Variants in ARHGAP8 observed in about 807,000 individuals in gnomAD.
ARHGAP8 encodes Rho GTPase activating protein 8.
In ARHGAP8, 62 loss-of-function variants were observed where a neutral mutation model predicts 46.1. The observed-to-expected ratio is 1.34, with a 90% confidence interval of 1.10 to 1.66. ARHGAP8 has a LOEUF of 1.66. ARHGAP8 is among the 40% of genes most tolerant of loss of function. The probability of loss-of-function intolerance (pLI) is 0.00; values close to 1 mark genes in which losing one functional copy is unlikely to be tolerated. For missense variants in ARHGAP8, 923 were observed against 568.4 expected (o/e 1.62, Z -6.34); for synonymous variants, 375 against 243.1 (o/e 1.54, Z -5.05).
At chr22:44,825,998 C>A (rs939837530) in intron 7 of ARHGAP8, among the ~76,000 whole-genome samples, 3 of 151,874 alleles carry the variant, frequency 2.0e-5, no homozygotes, top group African/African-American at 4.8e-5. Flanking sequence ...GGATGGGGGT[C>A]TCTGGGGTTC....
intron 5 of ARHGAP8, 150 bp downstream of exon 5, chr22:44,814,908 G>A (rs879498374): frequency 3.7e-5 from 33 of 890,962 alleles, no homozygotes; most frequent in Non-Finnish European, 4.8e-5. Flanking sequence ...TGGGGTCTGC[G>A]GGGGGTCACA....
chr22:44,792,046 T>A (rs1478114134), intron 2 of ARHGAP8, among the ~76,000 whole-genome samples: 2 of 151,612 alleles, frequency 1.3e-5, no homozygotes, highest in African/African-American at 2.4e-5. Context: ...GGAGTCTTGC[T>A]CTGTTGCCCA....
chr22:44,795,040 C>CAAAAAAAAAAAA (rs36122461), intron 2 of ARHGAP8, among the ~76,000 whole-genome samples: 1 of 111,814 alleles, frequency 8.9e-6, no homozygotes, highest in African/African-American at 3.3e-5. Context: ...AACTCTGTCT[C>CAAAAAAAAAAAA]AAAAAAAAAA....
chr22:44,848,885 G>T, intron 9 of ARHGAP8, 47 bp from the exon 10 acceptor site: 1 of 1,609,584 alleles, frequency 6.2e-7, no homozygotes, highest in Non-Finnish European at 8.5e-7. Context: ...CAGCGGCAGT[G>T]CCCAGGCCGG....
intron 1 of ARHGAP8, among the ~76,000 whole-genome samples, chr22:44,774,840 G>T (rs993371969): frequency 6.6e-6 from 1 of 151,358 alleles, no homozygotes; most frequent in Admixed American, 6.6e-5. Context: ...GAGGGGTGGG[G>T]GCGGGGGGCG....
intron 3 of ARHGAP8, among the ~76,000 whole-genome samples, chr22:44,807,300 G>T (rs1027228060): frequency 1.3e-5 from 2 of 152,156 alleles, no homozygotes; most frequent in Admixed American, 6.5e-5. Context: ...CAGATGGCAG[G>T]GCAAGCCCTT....
intron 11 of ARHGAP8, among the ~76,000 whole-genome samples, chr22:44,861,924 G>A (rs189867916): frequency 1.1e-4 from 16 of 152,222 alleles, no homozygotes; most frequent in African/African-American, 2.6e-4. Context: ...TCACAGAGCC[G>A]AGGCCAGAGA....
chr22:44,779,168 T>C (rs999595857), intron 1 of ARHGAP8, among the ~76,000 whole-genome samples: 25 of 150,136 alleles, frequency 1.7e-4, no homozygotes, highest in Admixed American at 8.0e-4. Flanking sequence ...GGCGCGATCT[T>C]GGCTCACTGC....
chr22:44,841,152 G>A (rs897120714), intron 7 of ARHGAP8, among the ~76,000 whole-genome samples: 1 of 152,208 alleles, frequency 6.6e-6, no homozygotes, highest in African/African-American at 2.4e-5. Flanking sequence ...AACGGGGGAG[G>A]GAAGATGCCA....
At chr22:44,861,431 C>T (rs1159917113) in intron 11 of ARHGAP8, among the ~76,000 whole-genome samples, 1 of 152,166 alleles carries the variant, frequency 6.6e-6, no homozygotes, top group Non-Finnish European at 1.5e-5. Flanking sequence ...GTGGGCCTGG[C>T]TGGTGCACAC....
chr22:44,825,364 C>A (rs1014926841), intron 6 of ARHGAP8, 119 bp from the exon 7 acceptor site: 2 of 1,013,856 alleles, frequency 2.0e-6, no homozygotes, highest in Non-Finnish European at 1.4e-6. Flanking sequence ...GTGGCACGTG[C>A]GCCCAGAGGG....
chr22:44,813,931 C>T (rs1670829245), intron 4 of ARHGAP8, among the ~76,000 whole-genome samples: 1 of 152,178 alleles, frequency 6.6e-6, no homozygotes, highest in East Asian at 1.9e-4. Flanking sequence ...TAAGAGGTGG[C>T]TCTGGCGTCC....
chr22:44,778,738 T>G (rs1437168070), intron 1 of ARHGAP8, among the ~76,000 whole-genome samples: 1 of 152,154 alleles, frequency 6.6e-6, no homozygotes, highest in Non-Finnish European at 1.5e-5. Flanking sequence ...TGTAACTTCT[T>G]CAGGTGGTCA....
intron 6 of ARHGAP8, among the ~76,000 whole-genome samples, chr22:44,823,626 C>A (rs1373505970): frequency 6.6e-6 from 1 of 152,156 alleles, no homozygotes; most frequent in Non-Finnish European, 1.5e-5. Context: ...ACCCCACTCC[C>A]AGACCTCACT....
At chr22:44,765,307 G>GGAGGGGGATGTGTCC (rs1925470288) in intron 1 of ARHGAP8, 1 of 152,428 alleles carries the variant, frequency 6.6e-6, no homozygotes, top group Non-Finnish European at 1.5e-5. Flanking sequence ...ACCTCAGGAG[G>GGAGGGGGATGTGTCC]TGCCCCTGCA....
At chr22:44,775,279 G>C (rs1442885784) in intron 1 of ARHGAP8, among the ~76,000 whole-genome samples, 2 of 152,238 alleles carry the variant, frequency 1.3e-5, no homozygotes, top group Non-Finnish European at 2.9e-5. Context: ...GGGCCTATGG[G>C]TCAGCAGAGA....
Position 44,859,807 on chromosome 22 carries a change from CCGCTACCTCATG to C in ARHGAP8, c.955_966del (p.Arg319_Met322del), listed in dbSNP as rs762815588. On this transcript the variant is annotated inframe_deletion, in exon 11 of 12. Coordinates refer to ENST00000356099, the MANE Select transcript of ARHGAP8 (RefSeq NM_181335.3). ...TCCCAGAGCACAACTACGTCGTCCTCCGCTACCTCATGGGCTTCCTGCATGCGGTGAGTGGGG... is the reference window on the plus strand; with the variant it reads ...TCCCAGAGCACAACTACGTCGTCCTCGGCTTCCTGCATGCGGTGAGTGGGG... The C allele has an allele frequency of 6.2e-7, 1 of 1,614,060 alleles. No homozygotes were observed. The highest frequency in any genetic ancestry group is 8.5e-7 in the Non-Finnish European group (1 of 1,180,020).
intron 10 of ARHGAP8, among the ~76,000 whole-genome samples, chr22:44,857,774 C>G (rs538256849): frequency 6.6e-6 from 1 of 151,978 alleles, no homozygotes; most frequent in Non-Finnish European, 1.5e-5. Flanking sequence ...TGTGTGACCT[C>G]GGGCTAGTCA....
intron 2 of ARHGAP8, among the ~76,000 whole-genome samples, chr22:44,786,953 G>A (rs1479813842): frequency 1.3e-5 from 2 of 149,958 alleles, no homozygotes; most frequent in East Asian, 1.9e-4. Context: ...GGAGGCAGAG[G>A]TTGCACAGTG....
Sources: gnomAD v4.1 joint callset for allele counts (sites outside exome capture counted in the v4.1 genomes callset) on GRCh38, gnomAD v4.1.1 for gene constraint, MANE v1.5 for transcripts, NCBI Gene and HGNC (gene_info 2026-07-23, HGNC 2026-07-21) for gene names.